ANKRD17: variants seen among roughly 807,000 people sequenced by gnomAD.
ANKRD17 encodes the protein ankyrin repeat domain 17, also known as ankyrin repeat domain-containing protein 17.
Under a neutral mutation model 229.7 loss-of-function variants are expected in ANKRD17, and 19 were observed. That is an observed-to-expected ratio of 0.08 (90% CI 0.06 to 0.12). ANKRD17 has a LOEUF of 0.12. ANKRD17 is among the 10% of genes least tolerant of loss of function. The probability of loss-of-function intolerance (pLI) is 1.00; values close to 1 mark genes in which losing one functional copy is unlikely to be tolerated. For synonymous variants in ANKRD17, 1,112 were observed against 1,146.1 expected (o/e 0.97, Z 0.60); for missense variants, 2,176 against 3,176.8 (o/e 0.68, Z 7.57).
chr4:73,215,502 C>A (rs1294851519), intron 1 of ANKRD17, among the ~76,000 whole-genome samples: 2 of 152,190 alleles, frequency 1.3e-5, no homozygotes, highest in Non-Finnish European at 2.9e-5. Context: ...TTGTGATCCA[C>A]CCATCTCAGC....
chr4:73,128,513 G>A (rs1395756989), intron 16 of ANKRD17, among the ~76,000 whole-genome samples: 1 of 152,130 alleles, frequency 6.6e-6, no homozygotes, highest in Non-Finnish European at 1.5e-5. Context: ...AAATTTTAGT[G>A]GATCAGTAAA....
intron 14 of ANKRD17, among the ~76,000 whole-genome samples, chr4:73,141,337 A>C (rs1336091934): frequency 6.6e-6 from 1 of 152,216 alleles, no homozygotes; most frequent in Admixed American, 6.5e-5. Flanking sequence ...TATAAAATCT[A>C]TATTAAGCCA....
chr4:73,142,859 A>G (rs1260054056), intron 11 of ANKRD17, 92 bp from the exon 12 acceptor site: 2 of 1,381,936 alleles, frequency 1.4e-6, no homozygotes, highest in Non-Finnish European at 1.9e-6. Flanking sequence ...TAGAGAAAAT[A>G]GTATTATGAG....
intron 1 of ANKRD17, among the ~76,000 whole-genome samples, chr4:73,241,649 G>GA (rs569025378): frequency 0.02 from 3,020 of 151,890 alleles, 103 homozygotes; most frequent in African/African-American, 0.069. Context: ...AGACTAAAAG[G>GA]AAAAAGGATG....
chr4:73,121,114 G>A lies in ANKRD17; in HGVS notation c.3636-20C>T. The A allele has an allele frequency of 6.4e-7, 1 of 1,573,386 alleles. No individual in the cohort carries two copies. Among genetic ancestry groups the A allele is most frequent in the South Asian group, 1.1e-5 (1 of 90,080 alleles). ...CCAGTTCTAGGGGTGCAGGTATGGG[G>A]AAAACAAATGGAAAAATATATATTT... On this transcript the variant is annotated intron_variant, in intron 19 of 33. Coordinates refer to ENST00000358602, the MANE Select transcript of ANKRD17 (RefSeq NM_032217.5).
chr4:73,249,333 A>G (rs371081991), intron 1 of ANKRD17, among the ~76,000 whole-genome samples: 18 of 152,310 alleles, frequency 1.2e-4, no homozygotes, highest in Non-Finnish European at 1.2e-4. Context: ...TAGGCAAGCT[A>G]ATAGTATTTT....
chr4:73,130,443 AAT>A (rs1364520806), intron 16 of ANKRD17, among the ~76,000 whole-genome samples: 1 of 152,156 alleles, frequency 6.6e-6, no homozygotes, highest in Non-Finnish European at 1.5e-5. Flanking sequence ...AATAGAGAAA[AAT>A]ATTCATATAA....
chr4:73,160,063 T>C (rs1710052578), intron 3 of ANKRD17, among the ~76,000 whole-genome samples: 1 of 152,184 alleles, frequency 6.6e-6, no homozygotes. Context: ...TGTTCTCAAT[T>C]GTTTTAAGGC....
intron 1 of ANKRD17, among the ~76,000 whole-genome samples, chr4:73,235,574 C>A (rs1743428308): frequency 6.6e-6 from 1 of 152,096 alleles, no homozygotes; most frequent in Admixed American, 6.5e-5. Flanking sequence ...CAGTGGGACA[C>A]TGAAAAGAAA....
intron 1 of ANKRD17, among the ~76,000 whole-genome samples, chr4:73,240,695 C>T (rs964001360): frequency 5.3e-5 from 8 of 151,978 alleles, no homozygotes; most frequent in African/African-American, 1.5e-4. Flanking sequence ...ATTCCTTTAA[C>T]CATAAAACCC....
intron 1 of ANKRD17, among the ~76,000 whole-genome samples, chr4:73,226,522 C>T (rs551047602): frequency 2.0e-5 from 3 of 148,336 alleles, no homozygotes; most frequent in South Asian, 2.1e-4. Context: ...GCCACCAGAG[C>T]GGCTGGGATT....
At chr4:73,117,428 G>C (rs2148677113) in intron 22 of ANKRD17, among the ~76,000 whole-genome samples, 1 of 152,344 alleles carries the variant, frequency 6.6e-6, no homozygotes, top group Non-Finnish European at 1.5e-5. Context: ...AAAGGTTCTT[G>C]AAGAGGTTCT....
intron 20 of ANKRD17, 120 bp downstream of exon 20, chr4:73,120,761 A>G (rs1455676641): frequency 2.5e-6 from 2 of 803,328 alleles, no homozygotes; most frequent in African/African-American, 1.7e-5. Flanking sequence ...TTCTAATTAA[A>G]TATATACATA....
chr4:73,252,677 A>T (rs1578531929), intron 1 of ANKRD17, among the ~76,000 whole-genome samples: 1 of 151,872 alleles, frequency 6.6e-6, no homozygotes, highest in South Asian at 2.1e-4. Context: ...ATTTAAAAGA[A>T]ACATTTTTTT....
At chr4:73,209,746 G>A (rs958100602) in intron 1 of ANKRD17, among the ~76,000 whole-genome samples, 1 of 152,178 alleles carries the variant, frequency 6.6e-6, no homozygotes, top group African/African-American at 2.4e-5. Flanking sequence ...GTCACACATT[G>A]TGACCAAGTG....
chr4:73,203,758 C>CA (rs67020753), intron 1 of ANKRD17, among the ~76,000 whole-genome samples: 20,178 of 82,080 alleles, frequency 0.25, 2,532 homozygotes, highest in South Asian at 0.35. Context: ...GACTCCGTCT[C>CA]AAAAAAAAAA....
At chr4:73,157,905 C>T (rs1027609207) in intron 3 of ANKRD17, among the ~76,000 whole-genome samples, 3 of 151,804 alleles carry the variant, frequency 2.0e-5, no homozygotes, top group Non-Finnish European at 2.9e-5. Context: ...CTGGCTAACA[C>T]GGTGAAACCC....
At chr4:73,217,048 C>T (rs1439713503) in intron 1 of ANKRD17, among the ~76,000 whole-genome samples, 1 of 152,178 alleles carries the variant, frequency 6.6e-6, no homozygotes, top group Non-Finnish European at 1.5e-5. Context: ...ACAAAGGCCT[C>T]TCACAATTCA....
At chr4:73,118,951 A>T (rs1192574921) in intron 21 of ANKRD17, 101 bp from the exon 22 acceptor site, 4 of 1,254,008 alleles carry the variant, frequency 3.2e-6, no homozygotes, top group Non-Finnish European at 4.3e-6. Context: ...CAGTGGTGAG[A>T]TCATGGCTCA....
Sources: gnomAD v4.1 joint callset for allele counts (sites outside exome capture counted in the v4.1 genomes callset) on GRCh38, gnomAD v4.1.1 for gene constraint, MANE v1.5 for transcripts, NCBI Gene and HGNC (gene_info 2026-07-23, HGNC 2026-07-21) for gene names.